ZNF48: variants seen among roughly 807,000 people sequenced by gnomAD.
The protein encoded by ZNF48 is zinc finger protein 553.
ZNF48 carries 20 observed loss-of-function variants against 40.0 expected under a neutral mutation model. That is an observed-to-expected ratio of 0.50 (90% CI 0.35 to 0.73). ZNF48 has a LOEUF of 0.73. Among genes scored for constraint, ZNF48 ranks in the 30% least tolerant of loss-of-function variants. The pLI is 0.01. For missense variants in ZNF48, 726 were observed against 851.9 expected (o/e 0.85, Z 1.84); for synonymous variants, 298 against 329.7 (o/e 0.90, Z 1.04).
At chr16:30,379,226 C>T in intron 1 of ZNF48, 2 of 1,608,502 alleles carry the variant, frequency 1.2e-6, no homozygotes. Context: ...CAGGGAGTTT[C>T]GGGTCCAACC....
intron 1 of ZNF48, among the ~76,000 whole-genome samples, chr16:30,388,599 C>A (rs2049918726): frequency 6.6e-6 from 1 of 152,074 alleles, no homozygotes; most frequent in Admixed American, 6.6e-5. Context: ...TCAAAAAAAA[C>A]AACCACAGTC....
chr16:30,395,862 G>C lies in ZNF48; in HGVS notation c.68G>C (p.Gly23Ala). Residue 23 changes from glycine to alanine, a missense_variant, in exon 2 of 3, where the codon GGC becomes GCC. Gly to Ala is a moderately conservative substitution (Grantham distance 60). This residue lies in a region of ZNF48 where 151 missense variants were observed against 162.3 expected (regional missense o/e 0.93). Coordinates refer to ENST00000613509, the MANE Select transcript of ZNF48 (RefSeq NM_001214909.2). This position sits in a 1 kb window ranked among gnomAD's most constrained non-coding sequence, Gnocchi z 5.9. ...CCGGAGGAGAGGGAGCCACAGAGAG[G>C]CGCCCGCACAGGTGAGGGCCTCGGC... ...HRPEEREPQR[G>A]ARTGLGSENV... The C allele has an allele frequency of 6.5e-7, 1 of 1,542,544 alleles. No homozygotes were observed. The highest frequency in any genetic ancestry group is 1.2e-5 in the South Asian group (1 of 84,088).
rs2049844546 is a variant in ZNF48, at chr16:30,381,288, A to C, written c.-16+2878A>C. ...CATTGCCCAGCCTCAGGGGGCAGAG[A>C]CCCCCCAGCCCTCCCTAAATGCGCC... On this transcript the variant is annotated intron_variant, in intron 1 of 2. Transcript: ENST00000528032. This position sits in a 1 kb window ranked among gnomAD's most constrained non-coding sequence, Gnocchi z 4.3. 2 of 1,498,642 alleles carry C rather than the reference A, an allele frequency of 1.3e-6. No individual in the cohort carries two copies. The highest frequency in any genetic ancestry group is 1.9e-6 in the Non-Finnish European group (2 of 1,076,058). The allele number at this position is 1,498,642 out of a possible 1,614,324, so 92.8% of individuals were successfully genotyped here.
chr16:30,395,407 T>A (rs1475562960), upstream of ZNF48: 1 of 373,372 alleles, frequency 2.7e-6, no homozygotes, highest in Admixed American at 3.3e-5. This position sits in a 1 kb window ranked among gnomAD's most constrained non-coding sequence, Gnocchi z 5.9. Context: ...GGCCCCGCGC[T>A]TCCGCTTCCC....
At chr16:30,380,850 G>A (rs1397395849) in intron 1 of ZNF48, 2 of 489,646 alleles carry the variant, frequency 4.1e-6, no homozygotes, top group Non-Finnish European at 7.4e-6. Context: ...CACGGGGTGG[G>A]GGCCAGAGGG....
chr16:30,398,447 C>G lies in ZNF48; in HGVS notation c.1197C>G (p.Pro399=). The change falls in exon 3 of 3, where the codon CCC becomes CCG. Residue 399 remains proline (P), a synonymous_variant. Coordinates refer to ENST00000613509, the MANE Select transcript of ZNF48 (RefSeq NM_001214909.2). This position sits in a 1 kb window ranked among gnomAD's most constrained non-coding sequence, Gnocchi z 6.6. ...FPGYPLPALI[P]SPPPPPLGTS... ...GCTATCCCCTACCCGCTCTGATCCCCAGCCCACCCCCACCTCCTCTGGGCA... is the reference window on the plus strand; with the variant it reads ...GCTATCCCCTACCCGCTCTGATCCCGAGCCCACCCCCACCTCCTCTGGGCA... 6.3e-7 allele frequency: 1 copy of G among 1,593,448 alleles called. No homozygotes were observed. The highest frequency in any genetic ancestry group is 1.7e-5 in the Admixed American group (1 of 58,826).
In ZNF48 at chr16:30,382,413, G is replaced by C. The variant is rs755297197; in HGVS notation, c.-16+4003G>C. On this transcript the variant is annotated intron_variant, in intron 1 of 2. Transcript: ENST00000528032. The surrounding 1 kb of genome is among the most constrained non-coding windows in gnomAD (Gnocchi z 4.8). ...TGAGGCTGCTGGCAATGGCAGGCAG[G>C]GTCCCCAGGATCACTTGAGTTCCTG... 1 of 1,571,692 alleles carries C rather than the reference G, an allele frequency of 6.4e-7. No individual in the cohort carries two copies. Among genetic ancestry groups the C allele is most frequent in the Admixed American group, 1.7e-5 (1 of 57,802 alleles).
Position 30,381,059 on chromosome 16 carries a change from A to G in ZNF48, c.-16+2649A>G. The G allele has an allele frequency of 7.9e-7, 1 of 1,264,616 alleles. No individual in the cohort carries two copies. The allele number at this position is 1,264,616 out of a possible 1,614,324, so 78.3% of individuals were successfully genotyped here. Reference sequence around the variant, plus strand: ...GCTCCAGAAAGGCCACTTCAAGATCAAAGAAGTCTAAGCTGAAATCAGGTT... The same window carrying G: ...GCTCCAGAAAGGCCACTTCAAGATCGAAGAAGTCTAAGCTGAAATCAGGTT... On this transcript the variant is annotated intron_variant, in intron 1 of 2. Transcript: ENST00000528032. This position sits in a 1 kb window ranked among gnomAD's most constrained non-coding sequence, Gnocchi z 4.3.
chr16:30,393,575 G>C (rs2049957734), upstream of ZNF48, among the ~76,000 whole-genome samples: 1 of 152,024 alleles, frequency 6.6e-6, no homozygotes, highest in Non-Finnish European at 1.5e-5. Flanking sequence ...AGTAGAGACA[G>C]GGTTTCACCA....
At chr16:30,383,991 T>A (rs1029623059) in intron 1 of ZNF48, among the ~76,000 whole-genome samples, 1 of 141,766 alleles carries the variant, frequency 7.1e-6, no homozygotes, top group Non-Finnish European at 1.5e-5. Flanking sequence ...CCGAGGCGGG[T>A]GGATCACTTG....
intron 1 of ZNF48, chr16:30,378,772 G>A: frequency 6.9e-7 from 1 of 1,455,606 alleles, no homozygotes; most frequent in Non-Finnish European, 9.4e-7. Context: ...CAGGAGGCAG[G>A]GCCTGGGGCG....
chr16:30,380,815 A>G, intron 1 of ZNF48: 1 of 401,354 alleles, frequency 2.5e-6, no homozygotes, highest in Non-Finnish European at 4.6e-6. Flanking sequence ...ATATAAGCAG[A>G]AACAGTGGGA....
exon 1 of ZNF48, chr16:30,378,312 C>G (rs964581158): frequency 2.0e-6 from 2 of 984,096 alleles, no homozygotes; most frequent in African/African-American, 1.6e-5. Flanking sequence ...GAACCTCCCC[C>G]TAGCCCGCGC....
upstream of ZNF48, among the ~76,000 whole-genome samples, chr16:30,391,685 T>TG (rs2049943664): frequency 6.6e-6 from 1 of 151,526 alleles, no homozygotes; most frequent in South Asian, 2.1e-4. Flanking sequence ...TTAGTAGAGA[T>TG]GGGGTTTCAC....
At chr16:30,391,490 C>G (rs1364890955), upstream of ZNF48, among the ~76,000 whole-genome samples, 1 of 149,770 alleles carries the variant, frequency 6.7e-6, no homozygotes, top group Admixed American at 6.7e-5. Flanking sequence ...TCCTGGCAGT[C>G]TTTTTCTTTT....
Position 30,382,772 on chromosome 16 carries a change from T to C in ZNF48, c.-16+4362T>C. 6.5e-7 allele frequency: 1 copy of C among 1,535,936 alleles called. No individual in the cohort carries two copies. The highest frequency in any genetic ancestry group is 8.7e-7 in the Non-Finnish European group (1 of 1,146,856). ...ATCCTTCACACATCTGGATTCCAAGTCCCACTGTAGCTCCATCATCGTGGT... is the reference window on the plus strand; with the variant it reads ...ATCCTTCACACATCTGGATTCCAAGCCCCACTGTAGCTCCATCATCGTGGT... On this transcript the variant is annotated intron_variant, in intron 1 of 2. Transcript: ENST00000528032. This position sits in a 1 kb window ranked among gnomAD's most constrained non-coding sequence, Gnocchi z 4.8.
chr16:30,378,706 G>A (rs370110193), intron 1 of ZNF48: 182 of 1,605,778 alleles, frequency 1.1e-4, no homozygotes, highest in Non-Finnish European at 1.5e-4. Flanking sequence ...GCTTACTGCG[G>A]GACAGTGGGA....
Position 30,395,466 on chromosome 16 carries a change from T to C in ZNF48, c.-128T>C, listed in dbSNP as rs1272619381. 20 of 335,762 alleles carry C rather than the reference T, an allele frequency of 6.0e-5. No homozygotes were observed. Among genetic ancestry groups the C allele is most frequent in the Admixed American group, 1.2e-4 (3 of 24,228 alleles). 20.8% of individuals were successfully genotyped at this position (335,762 alleles called of 1,614,324 possible). A position where few individuals can be genotyped will look rare whatever the true frequency, so the allele number is the denominator to read the frequency against. ...CCGGGACGCCTGGGTCCGAGCCCGC[T>C]CCCGGCTTGGCGCGGAGCCTGCATC... is the stretch of plus-strand genomic sequence containing the variant. On this transcript the variant is annotated 5_prime_UTR_variant, in exon 1 of 3. Coordinates refer to ENST00000613509, the MANE Select transcript of ZNF48 (RefSeq NM_001214909.2). The surrounding 1 kb of genome is among the most constrained non-coding windows in gnomAD (Gnocchi z 5.9).
At chr16:30,379,220 G>C in intron 1 of ZNF48, 1 of 1,611,072 alleles carries the variant, frequency 6.2e-7, no homozygotes, top group Non-Finnish European at 8.5e-7. Flanking sequence ...GAACGTCAGG[G>C]AGTTTCGGGT....
Sources: allele counts gnomAD v4.1 joint callset (sites outside exome capture counted in the v4.1 genomes callset), GRCh38; gene constraint gnomAD v4.1.1; regional missense constraint gnomAD v4.1.1; non-coding constraint Gnocchi (gnomAD v3.1); transcripts MANE v1.5; gene names NCBI Gene and HGNC (gene_info 2026-07-23, HGNC 2026-07-21).